The following VPS13D variants were observed in gnomAD, a reference collection of about 807,000 sequenced individuals.
VPS13D encodes vacuolar protein sorting 13 homolog D.
A neutral mutation model predicts 461.9 loss-of-function variants in VPS13D; 187 were observed. The observed-to-expected ratio is 0.40, with a 90% confidence interval of 0.36 to 0.46. The LOEUF is 0.46. Among genes scored for constraint, VPS13D ranks in the 20% least tolerant of loss-of-function variants. VPS13D has a pLI of 0.60. For missense variants in VPS13D, 4,711 were observed against 5,364.9 expected (o/e 0.88, Z 3.81); for synonymous variants, 1,951 against 1,986.3 (o/e 0.98, Z 0.47).
At chr1:12,342,738 A>T in intron 41 of VPS13D, 161 bp from the exon 42 acceptor site, 1 of 696,920 alleles carries the variant, frequency 1.4e-6, no homozygotes, top group Non-Finnish European at 2.2e-6. Flanking sequence ...GAAGATAGCT[A>T]TAGTTAGCGA....
Position 12,342,874 on chromosome 1 carries a change from C to G in VPS13D, c.8733-25C>G, listed in dbSNP as rs1233203937. The G allele has an allele frequency of 3.7e-6, 6 of 1,600,612 alleles. No homozygotes were observed. In the South Asian group the frequency reaches 5.6e-5, roughly 15 times the overall value. On this transcript the variant is annotated intron_variant, in intron 41 of 69. Coordinates refer to ENST00000620676, the MANE Select transcript of VPS13D (RefSeq NM_015378.4). ...GGAGCTGGGAAGAAACAGGGACAGG[C>G]TGATGTCATCTGATTTGGTTCCAGA...
intron 18 of VPS13D, among the ~76,000 whole-genome samples, chr1:12,274,508 C>T (rs575544601): frequency 2.6e-5 from 4 of 152,186 alleles, no homozygotes; most frequent in African/African-American, 7.2e-5. Flanking sequence ...GATGGGGTTT[C>T]GCCATGTTGG....
intron 41 of VPS13D, 52 bp downstream of exon 41, chr1:12,341,937 T>C: frequency 1.3e-6 from 2 of 1,581,808 alleles, no homozygotes; most frequent in South Asian, 1.1e-5. Flanking sequence ...CAAAGCCTTC[T>C]TGTGCCAGCC....
intron 20 of VPS13D, among the ~76,000 whole-genome samples, chr1:12,281,103 A>C (rs1641766440): frequency 6.6e-6 from 1 of 151,062 alleles, no homozygotes; most frequent in Non-Finnish European, 1.5e-5. Context: ...GGTAAATCCC[A>C]GATGTCATGC....
At chr1:12,259,247 G>A (rs951640860) in intron 10 of VPS13D, among the ~76,000 whole-genome samples, 3 of 151,534 alleles carry the variant, frequency 2.0e-5, no homozygotes, top group African/African-American at 7.3e-5. Context: ...CTTCTGCCCA[G>A]GCTGGTGTTG....
chr1:12,451,351 A>G (rs1645260066), intron 65 of VPS13D, among the ~76,000 whole-genome samples: 1 of 152,216 alleles, frequency 6.6e-6, no homozygotes, highest in Non-Finnish European at 1.5e-5. Flanking sequence ...TGCTGAAAAT[A>G]TTGCTTTATA....
In VPS13D at chr1:12,378,939, T is replaced by G. The variant is rs1448913374; in HGVS notation, c.11081+348T>G. 2.6e-5 allele frequency among the ~76,000 whole-genome samples: 4 copies of G among 152,250 alleles called. No individual in the cohort carries two copies. The East Asian group carries it at 7.7e-4, about 29-fold the overall frequency. On this transcript the variant is annotated intron_variant, in intron 56 of 69. Coordinates refer to ENST00000620676, the MANE Select transcript of VPS13D (RefSeq NM_015378.4). The stretch of plus-strand genomic sequence containing the variant: ...TTGTCAAATCCTTCAAAAGCAGAAA[T>G]TAATTATTAAGAGAATAATCAGATG...
chr1:12,340,742 A>G (rs1643550218), intron 40 of VPS13D, among the ~76,000 whole-genome samples: 1 of 152,222 alleles, frequency 6.6e-6, no homozygotes, highest in South Asian at 2.1e-4. Context: ...CTTTAATGCT[A>G]GACACATAAG....
chr1:12,266,846 A>G (rs1641285954), intron 13 of VPS13D, 35 bp from the exon 14 acceptor site: 1 of 1,480,694 alleles, frequency 6.8e-7, no homozygotes, highest in South Asian at 1.4e-5. Context: ...GGCTCTCATA[A>G]GCATTGTATC....
At chr1:12,317,198 C>T (rs991641185) in intron 30 of VPS13D, among the ~76,000 whole-genome samples, 8 of 152,096 alleles carry the variant, frequency 5.3e-5, no homozygotes, top group Non-Finnish European at 1.2e-4. Flanking sequence ...AGGAGTGCCT[C>T]ATTGATCTTC....
At position 12,253,702 on chromosome 1, in the gene VPS13D, CTTT is replaced by C; in HGVS notation, c.565-19_565-17del. ...ATAAAGACAGTCATCCTATTTTCTT[CTTT>C]GTCTTTTTTACCTCAGGTACAGAAA... On this transcript the variant is annotated splice_polypyrimidine_tract_variant and intron_variant, in intron 6 of 69. Coordinates refer to ENST00000620676, the MANE Select transcript of VPS13D (RefSeq NM_015378.4). 1 of 1,571,510 alleles carries C rather than the reference CTTT, an allele frequency of 6.4e-7. No individual in the cohort carries two copies. The highest frequency in any genetic ancestry group is 8.8e-7 in the Non-Finnish European group (1 of 1,141,764).
intron 68 of VPS13D, among the ~76,000 whole-genome samples, chr1:12,502,000 G>A (rs1044785458): frequency 2.6e-5 from 4 of 152,212 alleles, no homozygotes; most frequent in African/African-American, 4.8e-5. Context: ...GCAGCAGCAC[G>A]TGTGGAAAGA....
At chr1:12,283,833 T>A (rs1641884351) in intron 21 of VPS13D, 97 bp downstream of exon 21, 2 of 1,272,426 alleles carry the variant, frequency 1.6e-6, no homozygotes, top group Non-Finnish European at 2.1e-6. Flanking sequence ...GGAAAATATC[T>A]CTTGTTGGCA....
At position 12,304,673 on chromosome 1, in the gene VPS13D, C is replaced by G; in HGVS notation, c.6384C>G (p.Thr2128=). The G allele has an allele frequency of 6.2e-7, 1 of 1,613,992 alleles. No homozygotes were observed. Among genetic ancestry groups the G allele is most frequent in the Non-Finnish European group, 8.5e-7 (1 of 1,180,026 alleles). ...GTGAGTTTGTGCCCAGTACCTCCAC[C>G]AAGCAGCAAGGGCCGCAACCCACAC... is the stretch of plus-strand genomic sequence containing the variant. The part of the protein sequence containing the change: ...LKSEFVPSTS[T]KQQGPQPTLS... Residue 2128 remains threonine (T), a synonymous_variant, in exon 26 of 70, where the codon ACC becomes ACG. Transcript: ENST00000620676.
rs567587655 is a variant in VPS13D at position 12,262,169 on chromosome 1, C to T, written c.1594+89C>T. 247 of 1,427,096 alleles carry T rather than the reference C, an allele frequency of 1.7e-4. 2 individuals are homozygous for T. The South Asian group carries it at 2.8e-3, about 16-fold the overall frequency. 88.4% of individuals were successfully genotyped at this position (1,427,096 alleles called of 1,614,324 possible). A position where few individuals can be genotyped will look rare whatever the true frequency, so the allele number is the denominator to read the frequency against. ...TCTCATTATTTGCTGTGGGGATAGTCTAGAAAGTCAGTGCGAAAACTGTAT... is the reference window on the plus strand; with the variant it reads ...TCTCATTATTTGCTGTGGGGATAGTTTAGAAAGTCAGTGCGAAAACTGTAT... On this transcript the variant is annotated intron_variant, in intron 13 of 69. Transcript: ENST00000620676.
chr1:12,444,618 A>G (rs1427440213), intron 65 of VPS13D, among the ~76,000 whole-genome samples: 1 of 151,436 alleles, frequency 6.6e-6, no homozygotes, highest in African/African-American at 2.4e-5. Context: ...TTACTACCTC[A>G]TTTTCTAGTT....
In VPS13D at chr1:12,356,036, G is replaced by A. The variant is rs1230145332; in HGVS notation, c.9817G>A (p.Glu3273Lys). 6.2e-7 allele frequency: 1 copy of A among 1,614,038 alleles called. No individual in the cohort carries two copies. The highest frequency in any genetic ancestry group is 8.5e-7 in the Non-Finnish European group (1 of 1,179,956). Residue 3273 changes from glutamate to lysine, a missense_variant, in exon 48 of 70, where the codon GAA (glutamate) becomes AAA (lysine). Transcript: ENST00000620676. ...NLTIRIVCRA[E>K]GSLKIFISAP... ...CACCATCCGGATTGTGTGTCGAGCA[G>A]AAGGATCCTTAAAGATCTTCATTTC...
intron 36 of VPS13D, among the ~76,000 whole-genome samples, chr1:12,328,273 A>T (rs1643242453): frequency 6.6e-6 from 1 of 151,934 alleles, no homozygotes; most frequent in South Asian, 2.1e-4. Flanking sequence ...CTGAGTCTCC[A>T]CCACAGGGCC....
chr1:12,471,902 C>T (rs940609354), intron 67 of VPS13D, among the ~76,000 whole-genome samples: 7 of 151,740 alleles, frequency 4.6e-5, no homozygotes, highest in Non-Finnish European at 7.4e-5. Context: ...GGCCTAGTAA[C>T]TCGTTTTTCT....
Sources: gnomAD v4.1 joint callset for allele counts (sites outside exome capture counted in the v4.1 genomes callset) on GRCh38, gnomAD v4.1.1 for gene constraint, MANE v1.5 for transcripts, NCBI Gene and HGNC (gene_info 2026-07-23, HGNC 2026-07-21) for gene names.